MALRD1: variants seen among roughly 807,000 people sequenced by gnomAD.
MALRD1 encodes MAM and LDL-receptor class A domain-containing protein 1.
In MALRD1, 247 loss-of-function variants were observed where a neutral mutation model predicts 242.1. The ratio of observed to expected loss-of-function variants is 1.02; its 90% confidence interval spans 0.92 to 1.13. The LOEUF (loss-of-function observed/expected upper bound fraction) is 1.13, where lower values mean the gene tolerates loss of function less well. Among genes scored for constraint, MALRD1 ranks in the 50% most tolerant of loss-of-function variants. The probability of loss-of-function intolerance (pLI) is 0.00; values close to 1 mark genes in which losing one functional copy is unlikely to be tolerated. For synonymous variants in MALRD1, 995 were observed against 866.6 expected, an observed-to-expected ratio of 1.15 and a Z score of -2.60; for missense variants, 2,989 against 2,533.1, an observed-to-expected ratio of 1.18 and a Z score of -3.86.
At chr10:19,531,675 T>G (rs1834423236) in intron 32 of MALRD1, among the ~76,000 whole-genome samples, 1 of 152,204 alleles carries the variant, frequency 6.6e-6, no homozygotes, top group African/African-American at 2.4e-5. Flanking sequence ...AGTAAAGAAA[T>G]GTGATGTGAT....
intron 33 of MALRD1, among the ~76,000 whole-genome samples, chr10:19,580,424 T>A (rs1335541945): frequency 6.6e-6 from 1 of 152,176 alleles, no homozygotes; most frequent in African/African-American, 2.4e-5. Context: ...AGAACTCTGA[T>A]AATAGGGTTT....
intron 5 of MALRD1, among the ~76,000 whole-genome samples, chr10:19,114,197 A>T (rs921980029): frequency 6.6e-6 from 1 of 152,226 alleles, no homozygotes; most frequent in Non-Finnish European, 1.5e-5. Context: ...TCCTCAAACT[A>T]TATAATGAGG....
intron 36 of MALRD1, among the ~76,000 whole-genome samples, chr10:19,635,715 A>C (rs181589345): frequency 3.9e-4 from 60 of 152,300 alleles, no homozygotes; most frequent in African/African-American, 1.4e-3. Flanking sequence ...AAAATATCTG[A>C]GAATATTTCA....
chr10:19,331,927 G>C (rs1402099698), intron 24 of MALRD1, among the ~76,000 whole-genome samples: 3 of 152,116 alleles, frequency 2.0e-5, no homozygotes, highest in Non-Finnish European at 2.9e-5. Context: ...GTGCAGTGGC[G>C]TGATCTCGGT....
chr10:19,453,515 TAA>T (rs1564355489), intron 29 of MALRD1, among the ~76,000 whole-genome samples: 4 of 152,168 alleles, frequency 2.6e-5, no homozygotes, highest in Non-Finnish European at 5.9e-5. Context: ...ATGTAAATTA[TAA>T]ATCAATAAAA....
chr10:19,603,164 A>G (rs371391597), intron 34 of MALRD1, among the ~76,000 whole-genome samples: 6 of 151,968 alleles, frequency 3.9e-5, no homozygotes, highest in East Asian at 1.9e-4. Context: ...TCTGATGGTA[A>G]TTTCTTTTGC....
intron 28 of MALRD1, among the ~76,000 whole-genome samples, chr10:19,408,497 T>C (rs1379408288): frequency 6.6e-6 from 1 of 152,114 alleles, no homozygotes; most frequent in Non-Finnish European, 1.5e-5. Context: ...ATCCTTGCAA[T>C]GAATAGATAA....
intron 14 of MALRD1, among the ~76,000 whole-genome samples, chr10:19,181,869 A>T (rs577697785): frequency 2.8e-4 from 42 of 152,322 alleles, no homozygotes; most frequent in Middle Eastern, 3.4e-3. Context: ...TGTTTTAAAA[A>T]TTAAGAAAAG....
chr10:19,326,779 C>G (rs1398665978), intron 22 of MALRD1, among the ~76,000 whole-genome samples: 1 of 151,830 alleles, frequency 6.6e-6, no homozygotes, highest in African/African-American at 2.4e-5. Context: ...TCAGGACTTT[C>G]ACAAATCTTT....
intron 9 of MALRD1, among the ~76,000 whole-genome samples, chr10:19,134,749 C>T (rs1006619038): frequency 6.6e-6 from 1 of 151,880 alleles, no homozygotes; most frequent in African/African-American, 2.4e-5. Flanking sequence ...TTTTTATAAA[C>T]TGAAGATTAA....
chr10:19,277,695 A>C (rs72796451), intron 19 of MALRD1, among the ~76,000 whole-genome samples: 1 of 152,146 alleles, frequency 6.6e-6, no homozygotes, highest in Non-Finnish European at 1.5e-5. Flanking sequence ...TTCTTTAGCT[A>C]TATCAATAAA....
chr10:19,573,955 T>C (rs916378299), intron 33 of MALRD1, among the ~76,000 whole-genome samples: 1 of 152,100 alleles, frequency 6.6e-6, no homozygotes, highest in Non-Finnish European at 1.5e-5. Flanking sequence ...AAAATAGACC[T>C]TCGGAGAGTG....
intron 28 of MALRD1, among the ~76,000 whole-genome samples, chr10:19,398,770 G>C (rs375314853): frequency 2.0e-5 from 3 of 152,150 alleles, no homozygotes; most frequent in South Asian, 2.1e-4. Flanking sequence ...AGTGTGCCTT[G>C]TCTGCACAGG....
intron 31 of MALRD1, among the ~76,000 whole-genome samples, chr10:19,519,331 T>C (rs1833778871): frequency 6.6e-6 from 1 of 152,182 alleles, no homozygotes; most frequent in Admixed American, 6.5e-5. Flanking sequence ...CCAAAACATA[T>C]AAGCATGAAG....
chr10:19,201,960 T>A (rs1427778379), intron 14 of MALRD1, among the ~76,000 whole-genome samples: 1 of 151,964 alleles, frequency 6.6e-6, no homozygotes, highest in Non-Finnish European at 1.5e-5. Flanking sequence ...GGACTGCAGA[T>A]GCATGCCACC....
chr10:19,292,961 T>C (rs1019422705), intron 21 of MALRD1, among the ~76,000 whole-genome samples: 10 of 151,336 alleles, frequency 6.6e-5, no homozygotes, highest in Admixed American at 2.0e-4. Flanking sequence ...TCCTTCTATA[T>C]CTAGTGCTGG....
chr10:19,473,559 G>A (rs1354046346), intron 29 of MALRD1, among the ~76,000 whole-genome samples: 1 of 152,060 alleles, frequency 6.6e-6, no homozygotes, highest in Non-Finnish European at 1.5e-5. Flanking sequence ...CCACACATGA[G>A]TGGAATCATA....
At position 19,352,064 on chromosome 10, in the gene MALRD1, T is replaced by C. The variant is rs534220801; in HGVS notation, c.4208T>C (p.Val1403Ala). ...ATTGGGGCACTCACCTTAATGCAGG[T>C]GTCAGTCACAAACCAAACGAAGGTT... is the stretch of plus-strand genomic sequence containing the variant. ...NGIGALTLMQ[V>A]SVTNQTKVLL... Residue 1403 changes from valine to alanine, a missense_variant, in exon 26 of 40, where the codon GTG becomes GCG. By Grantham distance (64) the Val-to-Ala change is moderately conservative. Transcript: ENST00000454679. 4 of 1,550,486 alleles carry C rather than the reference T, an allele frequency of 2.6e-6. No homozygotes were observed. The highest frequency in any genetic ancestry group is 3.5e-6 in the Non-Finnish European group (4 of 1,146,882).
chr10:19,080,359 T>C (rs140306615), intron 2 of MALRD1, among the ~76,000 whole-genome samples: 7 of 152,126 alleles, frequency 4.6e-5, no homozygotes, highest in African/African-American at 1.2e-4. Context: ...GCTACCCAAC[T>C]TCAAACTATA....
Sources: gnomAD v4.1 joint callset for allele counts (sites outside exome capture counted in the v4.1 genomes callset) on GRCh38, gnomAD v4.1.1 for gene constraint, MANE v1.5 for transcripts, NCBI Gene and HGNC (gene_info 2026-07-23, HGNC 2026-07-21) for gene names.